NBEA: variants seen among roughly 807,000 people sequenced by gnomAD.
NBEA encodes lysosomal-trafficking regulator 2.
Under a neutral mutation model 343.4 loss-of-function variants are expected in NBEA, and 44 were observed. The observed-to-expected ratio is 0.13, with a 90% CI of 0.10 to 0.16. The LOEUF is 0.16. Among genes scored for constraint, NBEA ranks in the 10% least tolerant of loss-of-function variants. The pLI, the probability that NBEA is intolerant of heterozygous loss-of-function variation, is 1.00. For synonymous variants in NBEA, 1,175 were observed against 1,238.7 expected, an observed-to-expected ratio of 0.95 and a Z score of 1.08; for missense variants, 2,555 against 3,631.3, an observed-to-expected ratio of 0.70 and a Z score of 7.62.
intron 35 of NBEA, among the ~76,000 whole-genome samples, chr13:35,295,446 AG>A (rs2036063114): frequency 6.6e-6 from 1 of 151,994 alleles, no homozygotes; most frequent in Non-Finnish European, 1.5e-5. Flanking sequence ...GTCATTTCCA[AG>A]TTAAAGGGGT....
chr13:35,373,883 C>A (rs945224583), intron 38 of NBEA, among the ~76,000 whole-genome samples: 2 of 151,906 alleles, frequency 1.3e-5, no homozygotes, highest in Middle Eastern at 3.4e-3. Context: ...GTCTTTTTTG[C>A]AGAGGTGGAA....
chr13:35,072,416 C>T (rs1219055276), intron 10 of NBEA, among the ~76,000 whole-genome samples: 1 of 151,912 alleles, frequency 6.6e-6, no homozygotes, highest in Non-Finnish European at 1.5e-5. Context: ...TTTATTTCAT[C>T]GTGGAGATAA....
chr13:35,512,916 G>A (rs1230502751), intron 41 of NBEA, among the ~76,000 whole-genome samples: 1 of 152,086 alleles, frequency 6.6e-6, no homozygotes, highest in African/African-American at 2.4e-5. Flanking sequence ...ACTACCTCAT[G>A]GTAGGATTGA....
chr13:35,097,474 A>G (rs1240341403), intron 10 of NBEA, among the ~76,000 whole-genome samples: 2 of 152,032 alleles, frequency 1.3e-5, no homozygotes, highest in Non-Finnish European at 2.9e-5. Flanking sequence ...CATTAAGCAT[A>G]TACAATGAAG....
intron 36 of NBEA, among the ~76,000 whole-genome samples, chr13:35,331,915 T>C (rs2152848974): frequency 6.6e-6 from 1 of 152,216 alleles, no homozygotes; most frequent in South Asian, 2.1e-4. Flanking sequence ...GTAATAGCTA[T>C]TCTTAAATTA....
At chr13:35,263,959 T>C (rs1304967981) in intron 34 of NBEA, among the ~76,000 whole-genome samples, 1 of 146,760 alleles carries the variant, frequency 6.8e-6, no homozygotes, top group Admixed American at 6.8e-5. Flanking sequence ...ACTAGAACAA[T>C]AGGAAAGATT....
intron 29 of NBEA, 35 bp from the exon 30 acceptor site, chr13:35,183,941 C>T (rs1245318653): frequency 6.5e-7 from 1 of 1,530,680 alleles, no homozygotes; most frequent in South Asian, 1.1e-5. Context: ...TTGTTACATG[C>T]TGGCTCAAAT....
chr13:35,641,297 A>G (rs908845755), intron 49 of NBEA, among the ~76,000 whole-genome samples: 1 of 152,142 alleles, frequency 6.6e-6, no homozygotes, highest in Non-Finnish European at 1.5e-5. Context: ...ACTTACTCCT[A>G]CCCTATGACT....
At chr13:35,643,425 A>C (rs2084065667) in intron 49 of NBEA, among the ~76,000 whole-genome samples, 1 of 152,152 alleles carries the variant, frequency 6.6e-6, no homozygotes, top group Non-Finnish European at 1.5e-5. Context: ...CATTCAACAA[A>C]TGTCTGTTAA....
intron 11 of NBEA, among the ~76,000 whole-genome samples, chr13:35,104,102 G>A (rs2065793293): frequency 6.6e-6 from 1 of 151,646 alleles, no homozygotes; most frequent in African/African-American, 2.4e-5. Flanking sequence ...TTTTCCTTAA[G>A]AACTAAAATG....
intron 10 of NBEA, among the ~76,000 whole-genome samples, chr13:35,088,780 A>T (rs1032035142): frequency 6.6e-6 from 1 of 150,564 alleles, no homozygotes; most frequent in African/African-American, 2.4e-5. Context: ...CTGATCTTTG[A>T]CAAACCTGAG....
At chr13:35,122,169 A>G (rs756865160) in intron 16 of NBEA, among the ~76,000 whole-genome samples, 16 of 152,208 alleles carry the variant, frequency 1.1e-4, no homozygotes, top group Non-Finnish European at 2.2e-4. Context: ...CAAGTAACAG[A>G]AAACCTCTAA....
intron 41 of NBEA, among the ~76,000 whole-genome samples, chr13:35,477,887 AT>A (rs796416397): frequency 6.6e-6 from 1 of 151,856 alleles, no homozygotes; most frequent in South Asian, 2.1e-4. Context: ...AGGAGGAGGA[AT>A]TTTTTTTTCT....
rs772932875 is a variant in NBEA at position 35,309,530 on chromosome 13, A to G, written c.5841A>G (p.Glu1947=). 1 of 1,584,642 alleles carries G rather than the reference A, an allele frequency of 6.3e-7. No homozygotes were observed. The highest frequency in any genetic ancestry group is 8.6e-7 in the Non-Finnish European group (1 of 1,165,312). ...VELVMLLCSQ[E]WQNSIQKNAG... ...TTTGTTTTGGTTTCTCCTTTTAGGA[A>G]TGGCAAAACTCTATTCAGAAGAATG... The change falls in exon 36 of 59, where the codon GAA becomes GAG. Residue 1947 remains glutamate, a splice_region_variant and synonymous_variant. Transcript: ENST00000379939.
chr13:35,471,356 T>C (rs1026826541), intron 40 of NBEA, among the ~76,000 whole-genome samples: 12 of 152,270 alleles, frequency 7.9e-5, no homozygotes, highest in African/African-American at 2.6e-4. Flanking sequence ...GGAACCTAAC[T>C]TTTTATTGCC....
chr13:34,970,316 G>A (rs2059958780), intron 1 of NBEA, among the ~76,000 whole-genome samples: 1 of 151,872 alleles, frequency 6.6e-6, no homozygotes, highest in Non-Finnish European at 1.5e-5. Flanking sequence ...TAAGATGCAT[G>A]GTTTGTAAAA....
chr13:35,058,985 A>G, intron 8 of NBEA, 122 bp downstream of exon 8: 1 of 817,816 alleles, frequency 1.2e-6, no homozygotes, highest in Non-Finnish European at 1.7e-6. Flanking sequence ...TTTGGAATGT[A>G]GTCAAGTTTT....
At chr13:35,093,239 G>T (rs1364402534) in intron 10 of NBEA, among the ~76,000 whole-genome samples, 1 of 151,086 alleles carries the variant, frequency 6.6e-6, no homozygotes, top group African/African-American at 2.4e-5. Flanking sequence ...TGGTGTGATA[G>T]AACTGGGCTA....
intron 10 of NBEA, among the ~76,000 whole-genome samples, chr13:35,089,296 A>G (rs1195418355): frequency 1.6e-4 from 24 of 148,674 alleles, no homozygotes; most frequent in African/African-American, 5.7e-4. Context: ...GCAGCCAAAA[A>G]ACACATGAAA....
Sources: allele counts gnomAD v4.1 joint callset (sites outside exome capture counted in the v4.1 genomes callset), GRCh38; gene constraint gnomAD v4.1.1; transcripts MANE v1.5; gene names NCBI Gene and HGNC (gene_info 2026-07-23, HGNC 2026-07-21).